OSBPL2: variants seen among roughly 807,000 people sequenced by gnomAD.
OSBPL2 encodes the protein oxysterol binding protein like 2, also known as oxysterol-binding protein-related protein 2.
Under a neutral mutation model 58.4 loss-of-function variants are expected in OSBPL2, and 18 were observed. The observed-to-expected ratio is 0.31, with a 90% CI of 0.21 to 0.46. The LOEUF is 0.46. Ranked by LOEUF, OSBPL2 falls within the 20% of genes least tolerant of loss-of-function variation. OSBPL2 has a pLI of 1.00. For synonymous variants in OSBPL2, 221 were observed against 234.1 expected, an observed-to-expected ratio of 0.94 and a Z score of 0.51; for missense variants, 461 against 616.5, an observed-to-expected ratio of 0.75 and a Z score of 2.67.
In OSBPL2 at chr20:62,258,688, A is replaced by T. The variant is rs188178501; in HGVS notation, c.38-1293A>T. On this transcript the variant is annotated intron_variant, in intron 2 of 13. Coordinates refer to ENST00000313733, the MANE Select transcript of OSBPL2 (RefSeq NM_144498.4). The stretch of plus-strand genomic sequence containing the variant: ...CCAGGTCTTAGAATGTTATTAGGCC[A>T]TCCATGTAGTGTTGGCTGAGTCAGA... Among the ~76,000 whole-genome samples the T allele has an allele frequency of 3.5e-3, 528 of 152,158 alleles. 1 individual carries two copies. The highest frequency in any genetic ancestry group is 0.012 in the African/African-American group (496 of 41,452).
At chr20:62,267,659 T>C (rs1289328408) in intron 4 of OSBPL2, among the ~76,000 whole-genome samples, 1 of 152,194 alleles carries the variant, frequency 6.6e-6, no homozygotes, top group Non-Finnish European at 1.5e-5. Context: ...TGCGGCCTCA[T>C]GTCTGCGTCT....
At chr20:62,283,640 A>G (rs1982925878) in intron 9 of OSBPL2, among the ~76,000 whole-genome samples, 1 of 152,126 alleles carries the variant, frequency 6.6e-6, no homozygotes, top group Non-Finnish European at 1.5e-5. Flanking sequence ...GTTGAAAATG[A>G]TCAGTGGGCG....
chr20:62,265,347 G>A (rs2145941198), intron 4 of OSBPL2, among the ~76,000 whole-genome samples: 1 of 152,296 alleles, frequency 6.6e-6, no homozygotes, highest in East Asian at 1.9e-4. Flanking sequence ...TGCTCAAAGT[G>A]TTCTACCTTT....
chr20:62,240,160 C>A (rs1325456628), intron 1 of OSBPL2, among the ~76,000 whole-genome samples: 2 of 152,092 alleles, frequency 1.3e-5, no homozygotes, highest in Non-Finnish European at 2.9e-5. Context: ...GCCATGAAAT[C>A]ATTTTCTACC....
chr20:62,271,266 G>A (rs542663131), intron 4 of OSBPL2, among the ~76,000 whole-genome samples: 178 of 93,948 alleles, frequency 1.9e-3, no homozygotes, highest in African/African-American at 6.7e-3. Context: ...GCGCCCTGCC[G>A]TCCAGGGCCT....
chr20:62,279,987 G>A (rs933075875), intron 7 of OSBPL2: 1 of 1,303,952 alleles, frequency 7.7e-7, no homozygotes, highest in Non-Finnish European at 1.0e-6. Context: ...TTCACTCTCA[G>A]CCTAAATGCT....
intron 6 of OSBPL2, among the ~76,000 whole-genome samples, chr20:62,273,986 T>A (rs550967376): frequency 1.3e-5 from 2 of 152,262 alleles, no homozygotes; most frequent in South Asian, 2.1e-4. Flanking sequence ...TATGGAACTT[T>A]CTTCTAGGCA....
rs1407745009 is a variant in OSBPL2 at position 62,276,375 on chromosome 20, T to C, written c.492-2782T>C. 2.0e-5 allele frequency among the ~76,000 whole-genome samples: 3 copies of C among 152,184 alleles called. No homozygotes were observed. In the East Asian group the frequency reaches 5.8e-4, roughly 29 times the overall value. ...TGTCAGACCATTTTGGGAGGATGCG[T>C]TGTTAGTAGTACAAGCTTTCCTGCA... On this transcript the variant is annotated intron_variant, in intron 6 of 13. Coordinates refer to ENST00000313733, the MANE Select transcript of OSBPL2 (RefSeq NM_144498.4).
At chr20:62,247,324 T>C (rs1980189682) in intron 1 of OSBPL2, among the ~76,000 whole-genome samples, 1 of 152,208 alleles carries the variant, frequency 6.6e-6, no homozygotes, top group Non-Finnish European at 1.5e-5. Context: ...TGCTCTGTGG[T>C]TGTGCTGGAT....
chr20:62,260,001 T>C lies in OSBPL2; in HGVS notation c.58T>C (p.Ser20Pro), dbSNP rs368593317. 1.5e-5 allele frequency: 24 copies of C among 1,613,886 alleles called. No homozygotes were observed. In the African/African-American group the frequency reaches 3.1e-4, roughly 21 times the overall value. ...CACAGGCTTTGATTCTGATAACTCTTCTGGGGAATTTTCAGAGGCAAATCA... is the reference window on the plus strand; with the variant it reads ...CACAGGCTTTGATTCTGATAACTCTCCTGGGGAATTTTCAGAGGCAAATCA... ...AVTGFDSDNS[S>P]GEFSEANQKV... is the part of the protein sequence containing the mutation. The change falls in exon 3 of 14, where the codon TCT becomes CCT. Residue 20 changes from serine to proline, a missense_variant. Ser to Pro is a moderately conservative substitution (Grantham distance 74). This residue lies in a region of OSBPL2 where 80 missense variants were observed against 74.8 expected (regional missense o/e 1.07). Coordinates refer to ENST00000313733, the MANE Select transcript of OSBPL2 (RefSeq NM_144498.4).
intron 12 of OSBPL2, among the ~76,000 whole-genome samples, chr20:62,291,024 G>A (rs1983473732): frequency 6.6e-6 from 1 of 152,040 alleles, no homozygotes; most frequent in Admixed American, 6.6e-5. Context: ...ACTGTGCCTG[G>A]CCTAATTTTT....
intron 6 of OSBPL2, among the ~76,000 whole-genome samples, chr20:62,274,184 C>T (rs1355679968): frequency 6.6e-6 from 1 of 152,208 alleles, no homozygotes; most frequent in Non-Finnish European, 1.5e-5. Context: ...CACCTGGTTG[C>T]CCTGGGGACT....
chr20:62,256,151 CAT>C lies in OSBPL2; in HGVS notation c.-33_-32del. ...GATACGATGATTCAGTAGAAGAGCA[CAT>C]GTCAGGGGCAGTGGAGGCTGGCTGC... On this transcript the variant is annotated 5_prime_UTR_variant, in exon 2 of 14. It removes an upstream start codon present in the reference 5' UTR. Transcript: ENST00000313733. 2 of 1,611,360 alleles carry C rather than the reference CAT, an allele frequency of 1.2e-6. No homozygotes were observed. Among genetic ancestry groups the C allele is most frequent in the South Asian group, 2.2e-5 (2 of 90,922 alleles).
chr20:62,252,178 C>T (rs1980600398), intron 1 of OSBPL2, among the ~76,000 whole-genome samples: 2 of 151,092 alleles, frequency 1.3e-5, no homozygotes, highest in South Asian at 4.2e-4. Context: ...ACCACTGCAC[C>T]TGGCCAGTAT....
At chr20:62,247,533 C>T (rs992922459) in intron 1 of OSBPL2, among the ~76,000 whole-genome samples, 4 of 152,210 alleles carry the variant, frequency 2.6e-5, no homozygotes, top group Middle Eastern at 3.2e-3. Flanking sequence ...TTGAAAGTCT[C>T]TGCCAGTGGC....
intron 12 of OSBPL2, among the ~76,000 whole-genome samples, chr20:62,290,725 T>G (rs1983449982): frequency 6.6e-6 from 1 of 150,634 alleles, no homozygotes; most frequent in Non-Finnish European, 1.5e-5. Context: ...TGGCCAGGTT[T>G]TTTTTTTTGT....
intron 6 of OSBPL2, among the ~76,000 whole-genome samples, chr20:62,277,013 T>C (rs1375472400): frequency 6.7e-6 from 1 of 148,766 alleles, no homozygotes; most frequent in East Asian, 2.0e-4. Flanking sequence ...CTTTGAGAGG[T>C]TGAGGTAGGC....
intron 12 of OSBPL2, 130 bp from the exon 13 acceptor site, chr20:62,291,573 T>C: frequency 1.2e-6 from 1 of 809,444 alleles, no homozygotes; most frequent in Non-Finnish European, 2.1e-6. Flanking sequence ...GGTCTCCCGA[T>C]CACAGAACCT....
At chr20:62,252,586 C>T (rs547247290) in intron 1 of OSBPL2, among the ~76,000 whole-genome samples, 10 of 152,270 alleles carry the variant, frequency 6.6e-5, no homozygotes, top group South Asian at 2.1e-4. Flanking sequence ...GCTGAGTCGC[C>T]GTGGTGTGGC....
Sources: allele counts gnomAD v4.1 joint callset (sites outside exome capture counted in the v4.1 genomes callset), GRCh38; gene constraint gnomAD v4.1.1; regional missense constraint gnomAD v4.1.1; transcripts MANE v1.5; gene names NCBI Gene and HGNC (gene_info 2026-07-23, HGNC 2026-07-21).